CNIH2: variants seen among roughly 807,000 people sequenced by gnomAD.
CNIH2 encodes cornichon family AMPA receptor auxiliary protein 2.
CNIH2 carries 8 observed loss-of-function variants against 22.9 expected under a neutral mutation model. That is an observed-to-expected ratio of 0.35 (90% CI 0.20 to 0.63). CNIH2 has a LOEUF of 0.63. CNIH2 is among the 30% of genes least tolerant of loss of function. The probability of loss-of-function intolerance (pLI) is 0.72; values close to 1 mark genes in which losing one functional copy is unlikely to be tolerated. For missense variants in CNIH2, 105 were observed against 206.2 expected, an observed-to-expected ratio of 0.51 and a Z score of 3.01; for synonymous variants, 74 against 78.2, an observed-to-expected ratio of 0.95 and a Z score of 0.28.
chr11:66,282,805 A>T (rs1322601105), intron 3 of CNIH2, 25 bp downstream of exon 3: 1 of 1,601,090 alleles, frequency 6.2e-7, no homozygotes, highest in Non-Finnish European at 8.5e-7. Flanking sequence ...TGGGGGCAGG[A>T]GGCTCCTAGC....
At chr11:66,280,016 G>C (rs1373893454) in intron 1 of CNIH2, among the ~76,000 whole-genome samples, 1 of 152,228 alleles carries the variant, frequency 6.6e-6, no homozygotes, top group Non-Finnish European at 1.5e-5. Context: ...GAGCTGACCA[G>C]CTCCTGGGAG....
intron 2 of CNIH2, 127 bp from the exon 3 acceptor site, chr11:66,282,606 C>T (rs569285139): frequency 8.6e-7 from 1 of 1,169,330 alleles, no homozygotes; most frequent in Non-Finnish European, 1.2e-6. Context: ...CGGCTGCTTC[C>T]CGGCCGTGCC....
intron 3 of CNIH2, 76 bp from the exon 4 acceptor site, chr11:66,282,959 C>T: frequency 7.0e-7 from 1 of 1,437,038 alleles, no homozygotes; most frequent in Non-Finnish European, 9.8e-7. Flanking sequence ...CTCCCAAACC[C>T]CAGCTCCTCT....
intron 2 of CNIH2, 190 bp from the exon 3 acceptor site, chr11:66,282,543 A>T: frequency 1.2e-6 from 1 of 846,538 alleles, no homozygotes; most frequent in East Asian, 2.7e-5. Flanking sequence ...GGCCGTTGCC[A>T]TGGAGACGCG....
At chr11:66,279,642 G>T (rs1031253062) in intron 1 of CNIH2, among the ~76,000 whole-genome samples, 6 of 152,100 alleles carry the variant, frequency 3.9e-5, no homozygotes, top group African/African-American at 1.2e-4. Flanking sequence ...TGCCTCACCT[G>T]CTTCTTTCCC....
At position 66,282,336 on chromosome 11, in the gene CNIH2, T is replaced by TA; in HGVS notation, c.150+10dup. ...GGAACCCTGCGCGGGCAGTAAGTGA[T>TA]ACATGTGCTGTGCCGAGGTGTGTCC... On this transcript the variant is annotated intron_variant, in intron 2 of 5. Coordinates refer to ENST00000311445, the MANE Select transcript of CNIH2 (RefSeq NM_182553.3). 6.3e-7 allele frequency: 1 copy of TA among 1,599,910 alleles called. No individual in the cohort carries two copies. Among genetic ancestry groups the TA allele is most frequent in the Non-Finnish European group, 8.5e-7 (1 of 1,173,142 alleles).
At chr11:66,282,711 G>C (rs747496563) in intron 2 of CNIH2, 22 bp from the exon 3 acceptor site, 6 of 1,613,586 alleles carry the variant, frequency 3.7e-6, no homozygotes, top group African/African-American at 1.3e-5. Flanking sequence ...ACCCCATCGC[G>C]GCCTTTTCCT....
chr11:66,279,629 C>T (rs1050074695), intron 1 of CNIH2, among the ~76,000 whole-genome samples: 3 of 152,174 alleles, frequency 2.0e-5, no homozygotes, highest in Non-Finnish European at 2.9e-5. Context: ...TCCTTCCTCC[C>T]GGTGCCTCAC....
Position 66,278,269 on chromosome 11 carries a change from C to T in CNIH2, c.-188C>T, listed in dbSNP as rs1231138272. ...GCCCGGGCAGCCGGCAGCGGACGCG[C>T]CCCCCGAGCCCACCGGCCCGCGCCC... On this transcript the variant is annotated 5_prime_UTR_variant, in exon 1 of 6. Transcript: ENST00000311445. 6.8e-6 allele frequency: 1 copy of T among 147,298 alleles called. No homozygotes were observed. The highest frequency in any genetic ancestry group is 1.5e-5 in the Non-Finnish European group (1 of 66,206). 9.1% of individuals were successfully genotyped at this position (147,298 alleles called of 1,614,324 possible). A position where few individuals can be genotyped will look rare whatever the true frequency, so the allele number is the denominator to read the frequency against.
chr11:66,282,404 C>CA, intron 2 of CNIH2, 77 bp downstream of exon 2: 1 of 100,744 alleles, frequency 9.9e-6, no homozygotes, highest in Non-Finnish European at 1.9e-5. Context: ...GGGTGGGAGA[C>CA]GGGAAGACGG....
chr11:66,283,526 CTG>C (rs759506682), intron 5 of CNIH2, 42 bp from the exon 6 acceptor site: 5 of 1,605,746 alleles, frequency 3.1e-6, no homozygotes, highest in East Asian at 4.5e-5. Flanking sequence ...ATCTGGGTGG[CTG>C]TGTGTGTGCA....
intron 2 of CNIH2, 168 bp downstream of exon 2, chr11:66,282,495 TGA>T: frequency 1.1e-6 from 1 of 937,402 alleles, no homozygotes; most frequent in Non-Finnish European, 1.7e-6. Flanking sequence ...GGCTCAGGGC[TGA>T]GTTCCTCTTG....
At position 66,283,377 on chromosome 11, in the gene CNIH2, C is replaced by G; in HGVS notation, c.441C>G (p.Phe147Leu). 3 of 1,614,188 alleles carry G rather than the reference C, an allele frequency of 1.9e-6. No homozygotes were observed. Among genetic ancestry groups the G allele is most frequent in the Non-Finnish European group, 2.5e-6 (3 of 1,180,008 alleles). Residue 147 changes from phenylalanine to leucine, a missense_variant, in exon 5 of 6, where the codon TTC becomes TTG. Coordinates refer to ENST00000311445, the MANE Select transcript of CNIH2 (RefSeq NM_182553.3). Reference protein sequence around the residue: ...CKLAFYLLSFFYYLYSMVYTL... With the variant: ...CKLAFYLLSFLYYLYSMVYTL... The stretch of plus-strand genomic sequence containing the variant: ...TTGCCTTCTACCTGCTCTCCTTCTT[C>G]TATTACCTGTACAGGTGAGGCCTTG...
rs4073582 is a variant in CNIH2, at chr11:66,283,241, G to A, written c.312-7G>A. 513,367 of 1,613,552 alleles carry A rather than the reference G, an allele frequency of 0.32. 87,733 individuals are homozygous for A. Among genetic ancestry groups the A allele is most frequent in the Non-Finnish European group, 0.35 (417,437 of 1,179,714 alleles). On this transcript the variant is annotated splice_region_variant and splice_polypyrimidine_tract_variant and intron_variant, in intron 4 of 5. Transcript: ENST00000311445. ...ATGGCAGACACTCAGGCCCCTGTCT[G>A]CCCCAGGTACTTCCACCGTCCTGCA...
At chr11:66,281,365 C>G (rs1476794852) in intron 1 of CNIH2, 1 of 456,094 alleles carries the variant, frequency 2.2e-6, no homozygotes, top group Non-Finnish European at 4.4e-6. Context: ...AAACTAGTAC[C>G]TAAGTCATAA....
intron 3 of CNIH2, 42 bp downstream of exon 3, chr11:66,282,822 C>A (rs937030757): frequency 7.6e-6 from 12 of 1,585,936 alleles, no homozygotes; most frequent in Non-Finnish European, 1.0e-5. Flanking sequence ...TAGCCCAGCG[C>A]TGCCCCCACT....
In CNIH2 at chr11:66,282,245, C is replaced by T. The variant is rs755858521; in HGVS notation, c.82-14C>T. 1.6e-5 allele frequency: 26 copies of T among 1,611,626 alleles called. No homozygotes were observed. The highest frequency in any genetic ancestry group is 2.0e-5 in the Non-Finnish European group (24 of 1,178,160). ...TGCTGCCCCAACCCTGACGGGCACA[C>T]GCCCCTCCCCCAGATCATAGCCTTT... On this transcript the variant is annotated splice_polypyrimidine_tract_variant and intron_variant, in intron 1 of 5. Coordinates refer to ENST00000311445, the MANE Select transcript of CNIH2 (RefSeq NM_182553.3).
At chr11:66,278,579 G>A (rs892408932) in intron 1 of CNIH2, 42 bp downstream of exon 1, 3 of 385,328 alleles carry the variant, frequency 7.8e-6, no homozygotes, top group East Asian at 7.4e-5. Context: ...GGGGTGGGGG[G>A]CAGGGGCCAC....
In CNIH2 at chr11:66,283,659, G is replaced by A; in HGVS notation, c.*62G>A. On this transcript the variant is annotated 3_prime_UTR_variant, in exon 6 of 6. Transcript: ENST00000311445. ...CGGACGCCTGTGCACCCCCAGCCCT[G>A]CCCCTTGGCCGCAGAGGCCTCAGCC... The A allele has an allele frequency of 1.3e-6, 2 of 1,539,678 alleles. No individual in the cohort carries two copies. Among genetic ancestry groups the A allele is most frequent in the Non-Finnish European group, 1.8e-6 (2 of 1,138,516 alleles).
Sources: allele counts gnomAD v4.1 joint callset (sites outside exome capture counted in the v4.1 genomes callset), GRCh38; gene constraint gnomAD v4.1.1; transcripts MANE v1.5; gene names NCBI Gene and HGNC (gene_info 2026-07-23, HGNC 2026-07-21).